RPRD1A: variants seen among roughly 807,000 people sequenced by gnomAD.
RPRD1A encodes regulation of nuclear pre-mRNA domain containing 1A.
Under a neutral mutation model 37.8 loss-of-function variants are expected in RPRD1A, and 9 were observed. That is an observed-to-expected ratio of 0.24 (90% CI 0.14 to 0.42). RPRD1A has a LOEUF of 0.42. Among genes scored for constraint, RPRD1A ranks in the 10% least tolerant of loss-of-function variants. The pLI is 1.00. For missense variants in RPRD1A, 255 were observed against 371.0 expected (o/e 0.69, Z 2.57); for synonymous variants, 138 against 139.7 (o/e 0.99, Z 0.08).
At chr18:36,030,667 G>A (rs1911712704) in intron 4 of RPRD1A, 141 bp downstream of exon 4, 1 of 591,496 alleles carries the variant, frequency 1.7e-6, no homozygotes, top group Admixed American at 3.3e-5. Flanking sequence ...TTGTTAATGA[G>A]GAAGAGATAT....
intron 1 of RPRD1A, among the ~76,000 whole-genome samples, chr18:36,057,159 G>A (rs911116324): frequency 1.3e-5 from 2 of 151,212 alleles, no homozygotes; most frequent in Non-Finnish European, 2.9e-5. Context: ...TGGGGCTGCA[G>A]TGGGCCTTGA....
intron 4 of RPRD1A, among the ~76,000 whole-genome samples, chr18:36,029,131 C>T (rs1231329621): frequency 6.6e-6 from 1 of 152,192 alleles, no homozygotes; most frequent in Non-Finnish European, 1.5e-5. Flanking sequence ...CCATAGTGGC[C>T]AATGGGCTTC....
rs188455399 is a variant in RPRD1A at position 36,049,134 on chromosome 18, T to G, written c.152-15297A>C. Among the ~76,000 whole-genome samples the G allele has an allele frequency of 3.5e-3, 540 of 152,226 alleles. 2 individuals carry two copies. Among genetic ancestry groups the G allele is most frequent in the African/African-American group, 0.013 (525 of 41,542 alleles). ...CTAGGCTGGTCTCAAACTCCTGACC[T>G]CAGGTGATCCACCCACCTCCCTCGG... On this transcript the variant is annotated intron_variant, in intron 1 of 6. Coordinates refer to ENST00000399022, the MANE Select transcript of RPRD1A (RefSeq NM_018170.5).
At chr18:36,022,623 C>T (rs969967694) in intron 6 of RPRD1A, among the ~76,000 whole-genome samples, 6 of 152,196 alleles carry the variant, frequency 3.9e-5, no homozygotes, top group Non-Finnish European at 5.9e-5. Flanking sequence ...CATCTATTTA[C>T]AGCATAGTTT....
intron 6 of RPRD1A, chr18:36,025,656 G>A: frequency 1.6e-6 from 2 of 1,288,742 alleles, no homozygotes; most frequent in Non-Finnish European, 2.0e-6. Flanking sequence ...GACATCGTTA[G>A]AAGATACGCC....
intron 1 of RPRD1A, among the ~76,000 whole-genome samples, chr18:36,053,138 A>G (rs1234640731): frequency 1.3e-5 from 2 of 152,158 alleles, no homozygotes; most frequent in Admixed American, 1.3e-4. Flanking sequence ...GCACACAGAC[A>G]CATTAAAGTA....
chr18:36,033,628 A>T, intron 2 of RPRD1A, 80 bp downstream of exon 2: 1 of 1,239,450 alleles, frequency 8.1e-7, no homozygotes, highest in African/African-American at 1.5e-5. Context: ...TTTTATTTTA[A>T]TAGTTTAAGG....
intron 2 of RPRD1A, among the ~76,000 whole-genome samples, chr18:36,032,463 A>G (rs1019374126): frequency 5.9e-5 from 9 of 152,220 alleles, no homozygotes; most frequent in African/African-American, 2.2e-4. Flanking sequence ...AGGCAGTGCC[A>G]CGAAGGAACA....
chr18:36,027,894 A>G (rs1158688949), intron 4 of RPRD1A: 1 of 152,126 alleles, frequency 6.6e-6, no homozygotes, highest in East Asian at 1.9e-4. Context: ...TAAGATTAAA[A>G]TATTTCAAAA....
At chr18:35,996,175 A>G (rs1909042756) in intron 6 of RPRD1A, among the ~76,000 whole-genome samples, 1 of 152,234 alleles carries the variant, frequency 6.6e-6, no homozygotes, top group African/African-American at 2.4e-5. Context: ...AAGATGTTAC[A>G]ATAGGGGAAA....
At chr18:36,035,169 GC>G (rs1184062642) in intron 1 of RPRD1A, among the ~76,000 whole-genome samples, 1 of 152,080 alleles carries the variant, frequency 6.6e-6, no homozygotes, top group African/African-American at 2.4e-5. Flanking sequence ...ACCCATCCTT[GC>G]CCTCTCAATC....
At chr18:36,040,690 T>G in intron 1 of RPRD1A, 1 of 541,808 alleles carries the variant, frequency 1.8e-6, no homozygotes, top group South Asian at 2.8e-5. Context: ...CACAGGAATT[T>G]TGCCTTTCAT....
chr18:36,004,764 G>A (rs1009109430), intron 6 of RPRD1A, among the ~76,000 whole-genome samples: 9 of 152,104 alleles, frequency 5.9e-5, no homozygotes, highest in Non-Finnish European at 8.8e-5. Flanking sequence ...TTAGCTGGGC[G>A]CGGTGGCACA....
At chr18:36,031,560 G>A (rs1469773302) in intron 2 of RPRD1A, among the ~76,000 whole-genome samples, 2 of 152,150 alleles carry the variant, frequency 1.3e-5, no homozygotes, top group African/African-American at 4.8e-5. Flanking sequence ...ACCTGGCCCT[G>A]TTTAAGAGAT....
At chr18:36,015,171 T>TACACACAC (rs1317517659) in intron 6 of RPRD1A, among the ~76,000 whole-genome samples, 5 of 90,052 alleles carry the variant, frequency 5.6e-5, no homozygotes, top group African/African-American at 1.8e-4. Context: ...TATACACATA[T>TACACACAC]ATACACACAC....
chr18:36,039,860 GCATGCACA>G (rs1226506096), intron 1 of RPRD1A, among the ~76,000 whole-genome samples: 2 of 89,698 alleles, frequency 2.2e-5, no homozygotes, highest in African/African-American at 8.6e-5. Flanking sequence ...ACACACACAC[GCATGCACA>G]CATGCACATA....
intron 1 of RPRD1A, among the ~76,000 whole-genome samples, chr18:36,056,835 A>C (rs1161818130): frequency 6.6e-6 from 1 of 152,152 alleles, no homozygotes; most frequent in Non-Finnish European, 1.5e-5. Context: ...GATGACAGCA[A>C]GGTGACTAAA....
At chr18:36,033,312 A>C (rs1342231973) in intron 2 of RPRD1A, among the ~76,000 whole-genome samples, 5 of 150,132 alleles carry the variant, frequency 3.3e-5, no homozygotes, top group Admixed American at 6.6e-5. Flanking sequence ...AAAAAAAAAA[A>C]AAAAAAAAAA....
At chr18:36,057,494 T>A (rs1038179700) in intron 1 of RPRD1A, among the ~76,000 whole-genome samples, 1 of 152,110 alleles carries the variant, frequency 6.6e-6, no homozygotes, top group South Asian at 2.1e-4. Context: ...GCACCTATAG[T>A]CCCAGTACTC....
Sources: gnomAD v4.1 joint callset for allele counts (sites outside exome capture counted in the v4.1 genomes callset) on GRCh38, gnomAD v4.1.1 for gene constraint, MANE v1.5 for transcripts, NCBI Gene and HGNC (gene_info 2026-07-23, HGNC 2026-07-21) for gene names.